The following RBFOX1 variants were observed in gnomAD, a reference collection of about 807,000 sequenced individuals.
The protein encoded by RBFOX1 is RNA binding protein fox-1 homolog 1.
In RBFOX1, 8 loss-of-function variants were observed where a neutral mutation model predicts 57.7. The observed-to-expected ratio is 0.14, with a 90% CI of 0.08 to 0.25. The LOEUF (loss-of-function observed/expected upper bound fraction) is 0.25. Among genes scored for constraint, RBFOX1 ranks in the 10% least tolerant of loss-of-function variants. RBFOX1 has a pLI of 1.00. For missense variants in RBFOX1, 611 were observed against 548.5 expected (o/e 1.11, Z -1.14); for synonymous variants, 326 against 222.4 (o/e 1.47, Z -4.15).
chr16:6,503,951 T>G (rs1598401665), intron 2 of RBFOX1, among the ~76,000 whole-genome samples: 2 of 152,346 alleles, frequency 1.3e-5, no homozygotes, highest in East Asian at 1.9e-4. Flanking sequence ...CTAAATCATC[T>G]TTGGCACTTG....
chr16:5,725,106 C>G (rs2052092022), intron 3 of RBFOX1, among the ~76,000 whole-genome samples: 1 of 152,148 alleles, frequency 6.6e-6, no homozygotes, highest in African/African-American at 2.4e-5. Context: ...GTCCCCAGTA[C>G]TAATAAAATA....
At chr16:6,518,629 T>G (rs1412318933) in intron 2 of RBFOX1, among the ~76,000 whole-genome samples, 1 of 152,166 alleles carries the variant, frequency 6.6e-6, no homozygotes, top group Admixed American at 6.6e-5. Flanking sequence ...TGGGGCTTCT[T>G]GACATTGTCC....
intron 3 of RBFOX1, among the ~76,000 whole-genome samples, chr16:6,902,362 G>C (rs12918019): frequency 0.31 from 46,646 of 151,852 alleles, 8,794 homozygotes; most frequent in African/African-American, 0.54. Flanking sequence ...TCAAGTTGGT[G>C]AAACAAGTGA....
At chr16:6,696,525 G>A (rs1045954413) in intron 3 of RBFOX1, among the ~76,000 whole-genome samples, 5 of 152,144 alleles carry the variant, frequency 3.3e-5, no homozygotes, top group Non-Finnish European at 5.9e-5. Context: ...GAATTAGATG[G>A]AGAACTTCAA....
chr16:6,581,035 G>A (rs1430124405), intron 2 of RBFOX1, among the ~76,000 whole-genome samples: 1 of 151,844 alleles, frequency 6.6e-6, no homozygotes, highest in Non-Finnish European at 1.5e-5. Flanking sequence ...TTAGAAGAAT[G>A]CTGTAAATAT....
At chr16:7,246,153 C>T (rs1603443318) in intron 4 of RBFOX1, among the ~76,000 whole-genome samples, 1 of 152,066 alleles carries the variant, frequency 6.6e-6, no homozygotes, top group Admixed American at 6.5e-5. Flanking sequence ...ATGTTTTGTT[C>T]AAGTTTGCTG....
chr16:7,490,157 A>G (rs2066548528), intron 4 of RBFOX1, among the ~76,000 whole-genome samples: 2 of 152,188 alleles, frequency 1.3e-5, no homozygotes, highest in South Asian at 2.1e-4. Flanking sequence ...TCTGAGCCAT[A>G]ATAAATTGGC....
At position 7,671,265 on chromosome 16, in the gene RBFOX1, G is replaced by T. The variant is rs190728930; in HGVS notation, c.931-5509G>T. Reference sequence around the variant, plus strand: ...GGACTGTTGGAATATGCTTTAAGAGGCAAGAAGCCATGAAATTATCTTTTT... The same window carrying T: ...GGACTGTTGGAATATGCTTTAAGAGTCAAGAAGCCATGAAATTATCTTTTT... On this transcript the variant is annotated intron_variant, in intron 13 of 15. Transcript: ENST00000550418. Among the ~76,000 whole-genome samples the T allele has an allele frequency of 6.4e-4, 97 of 152,290 alleles. 1 individual carries two copies. Among genetic ancestry groups the T allele is most frequent in the Middle Eastern group, 3.4e-3 (1 of 294 alleles).
At chr16:7,168,937 G>C (rs1176932622) in intron 4 of RBFOX1, among the ~76,000 whole-genome samples, 1 of 152,148 alleles carries the variant, frequency 6.6e-6, no homozygotes, top group Non-Finnish European at 1.5e-5. Flanking sequence ...AAAGGTTTGT[G>C]ATGTCCTTCC....
At chr16:6,962,625 G>T (rs933106416) in intron 3 of RBFOX1, among the ~76,000 whole-genome samples, 2 of 152,106 alleles carry the variant, frequency 1.3e-5, no homozygotes, top group African/African-American at 4.8e-5. Flanking sequence ...AGGGCTTTGG[G>T]AGGCCGAGGC....
chr16:6,376,172 G>A (rs2091150094), intron 2 of RBFOX1, among the ~76,000 whole-genome samples: 1 of 152,138 alleles, frequency 6.6e-6, no homozygotes, highest in Non-Finnish European at 1.5e-5. Flanking sequence ...TTCTTTGACT[G>A]TTCTCTCTTT....
chr16:6,982,321 C>G (rs1196610595), intron 3 of RBFOX1, among the ~76,000 whole-genome samples: 4 of 152,164 alleles, frequency 2.6e-5, no homozygotes, highest in African/African-American at 9.7e-5. Flanking sequence ...TTACAGAAAC[C>G]CATTCCCATT....
intron 14 of RBFOX1, among the ~76,000 whole-genome samples, chr16:7,678,137 A>T (rs1188876368): frequency 6.6e-6 from 1 of 152,198 alleles, no homozygotes; most frequent in East Asian, 1.9e-4. Flanking sequence ...TCATTTTCTT[A>T]TAAGCAGCCA....
At chr16:7,425,233 C>T (rs754734759) in intron 4 of RBFOX1, among the ~76,000 whole-genome samples, 1 of 152,180 alleles carries the variant, frequency 6.6e-6, no homozygotes, top group South Asian at 2.1e-4. Flanking sequence ...GCTTCATTTA[C>T]AGCATGCGGA....
rs148421648 is a variant in RBFOX1 at position 5,590,046 on chromosome 16, TACAC to T, written c.259-8828_259-8825del. On this transcript the variant is annotated intron_variant, in intron 2 of 2. Coordinates refer to the RBFOX1 transcript ENST00000585867. The stretch of plus-strand genomic sequence containing the variant: ...TAGCGTTTCAGAGGAGTCTGCGTGT[TACAC>T]ACACACACACACACACACACACACA... Among the ~76,000 whole-genome samples, 997 of 142,160 alleles carry T rather than the reference TACAC, an allele frequency of 7.0e-3. 6 individuals carry two copies. The highest frequency in any genetic ancestry group is 0.02 in the African/African-American group (735 of 37,282). 93.3% of individuals were successfully genotyped at this position (142,160 alleles called of 152,430 possible).
Position 6,019,714 on chromosome 16 carries a change from G to C in RBFOX1, c.-405G>C, listed in dbSNP as rs114556800. 1.1e-3 allele frequency: 1,532 copies of C among 1,372,938 alleles called. 12 individuals carry two copies. The African/African-American group carries it at 0.019, about 17-fold the overall frequency. 85.0% of individuals were successfully genotyped at this position (1,372,938 alleles called of 1,614,324 possible). ...CTTCTTGCCCAGGCAGAGAGAGCAG[G>C]AGCGGACCGCGCGCCCGGGATTGAG... is the stretch of plus-strand genomic sequence containing the variant. On this transcript the variant is annotated 5_prime_UTR_variant, in exon 1 of 16. Transcript: ENST00000550418. This position sits in a 1 kb window ranked among gnomAD's most constrained non-coding sequence, Gnocchi z 4.2.
At chr16:5,309,371 C>A (rs939952318) in intron 1 of RBFOX1, among the ~76,000 whole-genome samples, 2 of 152,184 alleles carry the variant, frequency 1.3e-5, no homozygotes, top group African/African-American at 2.4e-5. Context: ...GCTCTCCTCT[C>A]AGACAAAACT....
At chr16:6,769,100 C>G (rs1421770915) in intron 3 of RBFOX1, among the ~76,000 whole-genome samples, 1 of 152,114 alleles carries the variant, frequency 6.6e-6, no homozygotes, top group Non-Finnish European at 1.5e-5. Context: ...TCTTGAATTC[C>G]CACGTGTTGT....
intron 2 of RBFOX1, among the ~76,000 whole-genome samples, chr16:6,582,388 T>C (rs1484856135): frequency 6.6e-6 from 1 of 152,126 alleles, no homozygotes; most frequent in Non-Finnish European, 1.5e-5. Flanking sequence ...GATGCTGACA[T>C]AATGTTGCAT....
Sources: gnomAD v4.1 joint callset for allele counts (sites outside exome capture counted in the v4.1 genomes callset) on GRCh38, gnomAD v4.1.1 for gene constraint, Gnocchi (gnomAD v3.1) non-coding constraint, MANE v1.5 for transcripts, NCBI Gene and HGNC (gene_info 2026-07-23, HGNC 2026-07-21) for gene names.